Variants in BRCA1 observed in about 807,000 individuals in gnomAD.
The protein encoded by BRCA1 is BRCA1 DNA repair associated, also known as breast cancer type 1 susceptibility protein.
In BRCA1, 140 loss-of-function variants were observed where a neutral mutation model predicts 173.7. The ratio of observed to expected loss-of-function variants is 0.81; its 90% CI spans 0.70 to 0.93. The LOEUF (loss-of-function observed/expected upper bound fraction) is 0.93, where lower values mean the gene tolerates loss of function less well. BRCA1 is among the 40% of genes least tolerant of loss of function. BRCA1 has a pLI of 0.00. For synonymous variants in BRCA1, 662 were observed against 756.0 expected, an observed-to-expected ratio of 0.88 and a Z score of 2.04; for missense variants, 1,983 against 2,172.5, an observed-to-expected ratio of 0.91 and a Z score of 1.73.
intron 3 of BRCA1, among the ~76,000 whole-genome samples, chr17:43,109,867 C>A (rs184336950): frequency 6.6e-6 from 1 of 151,374 alleles, no homozygotes. Context: ...GAACTAGATA[C>A]GCAAAAATCA....
At chr17:43,067,403 C>A (rs113814958) in intron 16 of BRCA1, 15 of 444,622 alleles carry the variant, frequency 3.4e-5, no homozygotes, top group South Asian at 3.1e-4. Flanking sequence ...TACAGGCGCA[C>A]GCGACCACAC....
intron 2 of BRCA1, among the ~76,000 whole-genome samples, chr17:43,121,891 A>G (rs2055596049): frequency 6.6e-6 from 1 of 152,118 alleles, no homozygotes; most frequent in Non-Finnish European, 1.5e-5. Context: ...ACTCTCTCCC[A>G]TGGAAATGAA....
At chr17:43,134,643 A>C (rs1263365489) in intron 1 of BRCA1, among the ~76,000 whole-genome samples, 2 of 152,160 alleles carry the variant, frequency 1.3e-5, no homozygotes, top group African/African-American at 4.8e-5. Flanking sequence ...CCAAGAAAAT[A>C]GTTGTCTCTA....
At chr17:43,160,536 ATGTC>A (rs1270264101) in intron 1 of BRCA1, 1 of 152,128 alleles carries the variant, frequency 6.6e-6, no homozygotes, top group Non-Finnish European at 1.5e-5. Flanking sequence ...TTTCTATACA[ATGTC>A]TGTAATCTAT....
At chr17:43,081,044 T>A in intron 12 of BRCA1, among the ~76,000 whole-genome samples, 1 of 152,198 alleles carries the variant, frequency 6.6e-6, no homozygotes, top group East Asian at 1.9e-4. Flanking sequence ...GCATTTCAGT[T>A]ACAGATCTCC....
chr17:43,156,759 T>G (rs1379701289), intron 1 of BRCA1, among the ~76,000 whole-genome samples: 1 of 152,162 alleles, frequency 6.6e-6, no homozygotes, highest in African/African-American at 2.4e-5. Context: ...AATAATTATA[T>G]TTCAGTATGG....
chr17:43,062,096 C>T (rs1349597193), intron 18 of BRCA1, among the ~76,000 whole-genome samples: 2 of 151,802 alleles, frequency 1.3e-5, no homozygotes, highest in Non-Finnish European at 2.9e-5. Flanking sequence ...TGCACACACA[C>T]ACTTTTTTTT....
In BRCA1 at chr17:43,094,023, T is replaced by C. The variant is rs62625304; in HGVS notation, c.1508A>G (p.Lys503Arg). The C allele has an allele frequency of 4.8e-5, 78 of 1,614,000 alleles. No homozygotes were observed. The highest frequency in any genetic ancestry group is 6.4e-5 in the Non-Finnish European group (75 of 1,179,938). Residue 503 changes from lysine (K) to arginine (R), a missense_variant, in exon 10 of 23, where the codon AAG becomes AGG. Coordinates refer to ENST00000357654, the MANE Select transcript of BRCA1 (RefSeq NM_007294.4). Reference sequence around the variant, plus strand: ...GCCTGATGTAGGTCTCCTTTTACGCTTTAATTTATTTGTGAGGGGACGCTC... The same window carrying C: ...GCCTGATGTAGGTCTCCTTTTACGCCTTAATTTATTTGTGAGGGGACGCTC... ...IQERPLTNKLKRKRRPTSGLH... is the reference protein window; with the variant it reads ...IQERPLTNKLRRKRRPTSGLH...
chr17:43,104,299 G>C (rs1251987547), intron 5 of BRCA1, 38 bp from the exon 6 acceptor site: 1 of 1,592,848 alleles, frequency 6.3e-7, no homozygotes, highest in Non-Finnish European at 8.6e-7. Flanking sequence ...TTTGCAGTTA[G>C]AGAAAAATGT....
upstream of BRCA1, among the ~76,000 whole-genome samples, chr17:43,129,870 C>T (rs867965008): frequency 6.6e-6 from 1 of 152,106 alleles, no homozygotes; most frequent in Non-Finnish European, 1.5e-5. Flanking sequence ...TGCCTAAGGT[C>T]CTGGTGAATT....
In BRCA1 at chr17:43,160,937, TTA is replaced by T. The variant is rs1364915968; in HGVS notation, c.-20+9187_-20+9188del. The T allele has an allele frequency of 1.4e-4, 21 of 152,266 alleles. No individual in the cohort carries two copies. The East Asian group carries it at 3.9e-3, about 28-fold the overall frequency. The allele number at this position is 152,266 out of a possible 1,614,324, so 9.4% of individuals were successfully genotyped here. A position where few individuals can be genotyped will look rare whatever the true frequency, so the allele number is the denominator to read the frequency against. On this transcript the variant is annotated intron_variant, in intron 1 of 7. Transcript: ENST00000634433. ...GTTCCTATTACTATTATAACTCTTA[TTA>T]TAAGAGTTTTAAATCCTCCTAGCGC... is the stretch of plus-strand genomic sequence containing the variant.
chr17:43,149,019 C>T (rs1351116086), intron 1 of BRCA1, among the ~76,000 whole-genome samples: 3 of 152,146 alleles, frequency 2.0e-5, no homozygotes, highest in African/African-American at 2.4e-5. Flanking sequence ...AATCTGTGAA[C>T]GCTCAATCCC....
chr17:43,100,825 T>A (rs753346094), intron 6 of BRCA1, among the ~76,000 whole-genome samples: 7 of 140,838 alleles, frequency 5.0e-5, no homozygotes, highest in Non-Finnish European at 9.3e-5. Context: ...TCCACCTCCC[T>A]GGTTCAGTTG....
chr17:43,123,415 A>T (rs1416238374), intron 2 of BRCA1, among the ~76,000 whole-genome samples: 1 of 128,754 alleles, frequency 7.8e-6, no homozygotes, highest in South Asian at 2.3e-4. Context: ...CAGTGGTGCC[A>T]TATTGGCTCA....
chr17:43,064,651 C>T (rs976483956), intron 16 of BRCA1, among the ~76,000 whole-genome samples: 2 of 152,278 alleles, frequency 1.3e-5, no homozygotes, highest in East Asian at 1.9e-4. Context: ...GCAGCAGCAG[C>T]AGCAGCAGCC....
chr17:43,156,596 A>G (rs1373651953), intron 1 of BRCA1, among the ~76,000 whole-genome samples: 1 of 152,182 alleles, frequency 6.6e-6, no homozygotes, highest in Non-Finnish European at 1.5e-5. Context: ...TGACTTTAAA[A>G]AGAAAAACAA....
intron 11 of BRCA1, among the ~76,000 whole-genome samples, chr17:43,090,555 A>C (rs548062048): frequency 6.6e-6 from 1 of 152,258 alleles, no homozygotes; most frequent in Non-Finnish European, 1.5e-5. Flanking sequence ...TTGTATTTTT[A>C]GTAGATGTGG....
chr17:43,049,774 C>T (rs531476168), intron 20 of BRCA1, among the ~76,000 whole-genome samples: 85 of 152,298 alleles, frequency 5.6e-4, no homozygotes, highest in Middle Eastern at 3.4e-3. Context: ...TGTGGAGATG[C>T]TGTGTACCTG....
chr17:43,127,098 C>T (rs2055904514), upstream of BRCA1, among the ~76,000 whole-genome samples: 1 of 152,226 alleles, frequency 6.6e-6, no homozygotes, highest in Non-Finnish European at 1.5e-5. Flanking sequence ...GCCCGAGCCC[C>T]CTCCCAACCC....
Sources: gnomAD v4.1 joint callset for allele counts (sites outside exome capture counted in the v4.1 genomes callset) on GRCh38, gnomAD v4.1.1 for gene constraint, MANE v1.5 for transcripts, NCBI Gene and HGNC (gene_info 2026-07-23, HGNC 2026-07-21) for gene names.